AMDHD1: variants seen among roughly 807,000 people sequenced by gnomAD.
AMDHD1 encodes the protein amidohydrolase domain containing 1, also known as probable imidazolonepropionase.
A neutral mutation model predicts 44.1 loss-of-function variants in AMDHD1; 45 were observed. The observed-to-expected ratio is 1.02, with a 90% confidence interval of 0.80 to 1.31. AMDHD1 has a LOEUF of 1.31. AMDHD1 is among the 50% of genes most tolerant of loss of function. The probability of loss-of-function intolerance (pLI) is 0.00; values close to 1 mark genes in which losing one functional copy is unlikely to be tolerated. For missense variants in AMDHD1, 586 were observed against 552.1 expected, an observed-to-expected ratio of 1.06 and a Z score of -0.61; for synonymous variants, 206 against 205.0, an observed-to-expected ratio of 1.00 and a Z score of -0.04.
At chr12:95,952,447 G>A (rs1338306065) in intron 1 of AMDHD1, among the ~76,000 whole-genome samples, 2 of 152,098 alleles carry the variant, frequency 1.3e-5, no homozygotes, top group Non-Finnish European at 2.9e-5. Context: ...TGCTCTTTTG[G>A]TTACTATAGT....
chr12:95,958,704 A>G (rs1654655993), intron 4 of AMDHD1, among the ~76,000 whole-genome samples: 1 of 152,222 alleles, frequency 6.6e-6, no homozygotes, highest in African/African-American at 2.4e-5. Context: ...TGAATTACTC[A>G]TCTGTGAAAC....
At chr12:95,963,991 T>G (rs2080596092) in intron 6 of AMDHD1, among the ~76,000 whole-genome samples, 1 of 145,618 alleles carries the variant, frequency 6.9e-6, no homozygotes, top group African/African-American at 2.5e-5. Flanking sequence ...ATCATACCTC[T>G]GCACTTCAGC....
At chr12:95,945,352 A>G (rs2136756622) in intron 1 of AMDHD1, among the ~76,000 whole-genome samples, 1 of 152,352 alleles carries the variant, frequency 6.6e-6, no homozygotes, top group East Asian at 1.9e-4. Flanking sequence ...TAAATTTACA[A>G]GAATATTGAG....
At chr12:95,949,309 C>G (rs181752721) in intron 1 of AMDHD1, among the ~76,000 whole-genome samples, 1 of 152,194 alleles carries the variant, frequency 6.6e-6, no homozygotes, top group East Asian at 1.9e-4. Context: ...TAAATTTTCA[C>G]AAAGCACCCT....
At chr12:95,950,865 T>C (rs544278272) in intron 1 of AMDHD1, among the ~76,000 whole-genome samples, 8 of 105,062 alleles carry the variant, frequency 7.6e-5, no homozygotes, top group Admixed American at 6.0e-4. Context: ...AATTTAGGGC[T>C]CTACTAGTGT....
At chr12:95,955,516 GA>G (rs879643122) in intron 3 of AMDHD1, among the ~76,000 whole-genome samples, 8 of 149,484 alleles carry the variant, frequency 5.4e-5, no homozygotes, top group Non-Finnish European at 7.4e-5. Context: ...TTCAGGAAAA[GA>G]AAAAAAAAAT....
intron 6 of AMDHD1, among the ~76,000 whole-genome samples, chr12:95,963,543 T>C (rs929513190): frequency 6.6e-6 from 1 of 152,244 alleles, no homozygotes; most frequent in African/African-American, 2.4e-5. Context: ...TATGATATTA[T>C]ACATTTTTAT....
At chr12:95,962,523 C>T in intron 6 of AMDHD1, 44 bp downstream of exon 6, 2 of 1,564,668 alleles carry the variant, frequency 1.3e-6, no homozygotes, top group Non-Finnish European at 1.7e-6. Flanking sequence ...CAAGTACAAG[C>T]TGTGAAGACA....
intron 2 of AMDHD1, among the ~76,000 whole-genome samples, chr12:95,953,319 T>C (rs1366101403): frequency 2.6e-5 from 4 of 152,108 alleles, no homozygotes; most frequent in Non-Finnish European, 5.9e-5. Context: ...AGGATCCAGC[T>C]CTGGGCAGAA....
At position 95,945,776 on chromosome 12, in the gene AMDHD1, A is replaced by G. The variant is rs988354170; in HGVS notation, c.137+2241A>G. On this transcript the variant is annotated intron_variant, in intron 1 of 8. Transcript: ENST00000266736. ...AGCCCAGAATTGGATGGATTTTAACAGTGTGTGTTTTTTTTTTTCCCAACA... is the reference window on the plus strand; with the variant it reads ...AGCCCAGAATTGGATGGATTTTAACGGTGTGTGTTTTTTTTTTTCCCAACA... 5.8e-4 allele frequency among the ~76,000 whole-genome samples: 56 copies of G among 95,928 alleles called. 1 individual carries two copies. Among genetic ancestry groups the G allele is most frequent in the Admixed American group, 1.3e-3 (12 of 9,246 alleles). The allele number at this position is 95,928 out of a possible 152,430, so 62.9% of individuals were successfully genotyped here. A position where few individuals can be genotyped will look rare whatever the true frequency, so the allele number is the denominator to read the frequency against.
rs752248228 is a variant in AMDHD1, at chr12:95,956,741, C to T, written c.366C>T (p.Thr122=). Residue 122 remains threonine (T), a synonymous_variant, in exon 4 of 9, where the codon ACC becomes ACT. Coordinates refer to ENST00000266736, the MANE Select transcript of AMDHD1 (RefSeq NM_152435.3). The part of the protein sequence containing the change: ...IHQAGGGIHF[T]VERTRQATEE... Reference sequence around the variant, plus strand: ...AGGCCGGAGGAGGGATCCACTTTACCGTGGAGCGCACGCGCCAAGCCACAG... The same window carrying T: ...AGGCCGGAGGAGGGATCCACTTTACTGTGGAGCGCACGCGCCAAGCCACAG... 2.5e-6 allele frequency: 4 copies of T among 1,614,158 alleles called. No homozygotes were observed. Among genetic ancestry groups the T allele is most frequent in the East Asian group, 4.5e-5 (2 of 44,892 alleles).
chr12:95,956,933 T>C lies in AMDHD1; in HGVS notation c.558T>C (p.Ala186=), dbSNP rs1308871168. The change falls in exon 4 of 9, where the codon GCT becomes GCC. Residue 186 remains alanine, a synonymous_variant. Coordinates refer to ENST00000266736, the MANE Select transcript of AMDHD1 (RefSeq NM_152435.3). The part of the protein sequence containing the change: ...ARRELDIGIS[A]TYCGAHSVPK... ...GGGAGCTGGACATCGGCATCTCGGC[T>C]ACCTACTGCGGGGCTCATTCAGTGC... 2 of 1,612,544 alleles carry C rather than the reference T, an allele frequency of 1.2e-6. No homozygotes were observed. The highest frequency in any genetic ancestry group is 1.7e-5 in the Admixed American group (1 of 60,026).
intron 1 of AMDHD1, among the ~76,000 whole-genome samples, chr12:95,947,707 G>GT (rs2080503523): frequency 4.4e-5 from 3 of 68,870 alleles, no homozygotes; most frequent in African/African-American, 7.8e-5. Flanking sequence ...CGTCCGGGAG[G>GT]GAGATGGGGG....
chr12:95,952,599 A>G (rs1323041959), intron 1 of AMDHD1, 118 bp from the exon 2 acceptor site: 4 of 660,068 alleles, frequency 6.1e-6, no homozygotes, highest in Non-Finnish European at 1.0e-5. Flanking sequence ...TCAAGATAGA[A>G]GCACAGTAAA....
In AMDHD1 at chr12:95,966,238, T is replaced by C. The variant is rs572326991; in HGVS notation, c.1033-110T>C. On this transcript the variant is annotated intron_variant, in intron 7 of 8. Coordinates refer to ENST00000266736, the MANE Select transcript of AMDHD1 (RefSeq NM_152435.3). ...ATTTTTCCCATTGCAACTGAGCCAA[T>C]TCCTCCTATACCTTTAACTGCCTCT... is the stretch of plus-strand genomic sequence containing the variant. 5.7e-5 allele frequency: 72 copies of C among 1,264,408 alleles called. No homozygotes were observed. In the South Asian group the frequency reaches 1.0e-3, roughly 18 times the overall value. The allele number at this position is 1,264,408 out of a possible 1,614,324, so 78.3% of individuals were successfully genotyped here.
At chr12:95,951,178 T>C (rs2080524227) in intron 1 of AMDHD1, among the ~76,000 whole-genome samples, 2 of 152,170 alleles carry the variant, frequency 1.3e-5, no homozygotes. Flanking sequence ...CTGGGTCTTA[T>C]TCACTGTATC....
At chr12:95,952,460 T>C (rs1375805931) in intron 1 of AMDHD1, among the ~76,000 whole-genome samples, 2 of 152,216 alleles carry the variant, frequency 1.3e-5, no homozygotes, top group Non-Finnish European at 2.9e-5. Context: ...ACTATAGTTC[T>C]GTAGTATAAT....
chr12:95,964,882 T>C (rs961547548), intron 6 of AMDHD1, among the ~76,000 whole-genome samples: 5 of 129,178 alleles, frequency 3.9e-5, no homozygotes, highest in African/African-American at 1.5e-4. Context: ...ACACACTAAA[T>C]TCTTGGGCCT....
At chr12:95,966,637 A>G in intron 8 of AMDHD1, 129 bp downstream of exon 8, 2 of 1,181,986 alleles carry the variant, frequency 1.7e-6, no homozygotes, top group South Asian at 2.9e-5. Flanking sequence ...AGTCCCCTCT[A>G]TCTTGATCCC....
Sources: allele counts gnomAD v4.1 joint callset (sites outside exome capture counted in the v4.1 genomes callset), GRCh38; gene constraint gnomAD v4.1.1; transcripts MANE v1.5; gene names NCBI Gene and HGNC (gene_info 2026-07-23, HGNC 2026-07-21).